TMEM132B: variants seen among roughly 807,000 people sequenced by gnomAD.
The protein encoded by TMEM132B is transmembrane protein 132B.
TMEM132B carries 18 observed loss-of-function variants against 90.8 expected under a neutral mutation model. The observed-to-expected ratio is 0.20, with a 90% CI of 0.14 to 0.29. The LOEUF (loss-of-function observed/expected upper bound fraction) is 0.29, where lower values mean the gene tolerates loss of function less well. Among genes scored for constraint, TMEM132B ranks in the 10% least tolerant of loss-of-function variants. The pLI, the probability that TMEM132B is intolerant of heterozygous loss-of-function variation, is 1.00. For missense variants in TMEM132B, 1,096 were observed against 1,326.8 expected (o/e 0.83, Z 2.70); for synonymous variants, 504 against 523.3 (o/e 0.96, Z 0.50).
chr12:125,289,407 A>G (rs907886958), intron 1 of TMEM132B, among the ~76,000 whole-genome samples: 1 of 152,078 alleles, frequency 6.6e-6, no homozygotes, highest in African/African-American at 2.4e-5. Context: ...CATCATCCCC[A>G]TTTTACAGGA....
rs2136330130 is a variant in TMEM132B, at chr12:125,406,352, G to A, written c.960-9179G>A. 6.6e-6 allele frequency among the ~76,000 whole-genome samples: 1 copy of A among 152,320 alleles called. No individual in the cohort carries two copies. Among genetic ancestry groups the A allele is most frequent in the East Asian group, 1.9e-4 (1 of 5,188 alleles). ...GGTTGCACGAGGCATCTGTGTATTA[G>A]CAGTGCAAGGCGGAGGACAGTGCCT... is the stretch of plus-strand genomic sequence containing the variant. On this transcript the variant is annotated intron_variant, in intron 2 of 8. Coordinates refer to ENST00000682704, the MANE Select transcript of TMEM132B (RefSeq NM_001366854.1). This position sits in a 1 kb window ranked among gnomAD's most constrained non-coding sequence, Gnocchi z 8.3.
chr12:125,638,064 G>A (rs866950151), intron 5 of TMEM132B, among the ~76,000 whole-genome samples: 2 of 152,064 alleles, frequency 1.3e-5, no homozygotes, highest in Non-Finnish European at 2.9e-5. Context: ...TTTCCCAATC[G>A]GCCTGTGGTC....
intron 3 of TMEM132B, among the ~76,000 whole-genome samples, chr12:125,423,043 G>A (rs1880213614): frequency 6.6e-6 from 1 of 152,182 alleles, no homozygotes; most frequent in Non-Finnish European, 1.5e-5. Flanking sequence ...ACAAAGTGCA[G>A]ACAGTCCTGG....
intron 2 of TMEM132B, among the ~76,000 whole-genome samples, chr12:125,399,226 C>T (rs937955936): frequency 6.6e-6 from 1 of 152,202 alleles, no homozygotes; most frequent in African/African-American, 2.4e-5. Context: ...TTCCTACCCA[C>T]ACTCAAGGGA....
intron 1 of TMEM132B, among the ~76,000 whole-genome samples, chr12:125,238,377 C>CAAA (rs1207886157): frequency 3.1e-5 from 4 of 129,536 alleles, no homozygotes; most frequent in Non-Finnish European, 3.3e-5. Flanking sequence ...AAAAAAAAAA[C>CAAA]AAAAAAAAAC....
Position 125,432,411 on chromosome 12 carries a change from A to ATGTATGTG in TMEM132B, c.1106+16735_1106+16736insGTATGTGT, listed in dbSNP as rs1248777251. On this transcript the variant is annotated intron_variant, in intron 3 of 8. Transcript: ENST00000682704. ...TATATATATATATGTATGTATGTGT[A>ATGTATGTG]TATATATATATGTATGTGTATATAT... 3.6e-5 allele frequency among the ~76,000 whole-genome samples: 2 copies of ATGTATGTG among 55,034 alleles called. 1 individual carries two copies. Among genetic ancestry groups the ATGTATGTG allele is most frequent in the African/African-American group, 2.1e-4 (2 of 9,614 alleles). The allele number at this position is 55,034 out of a possible 152,430, so 36.1% of individuals were successfully genotyped here.
intron 1 of TMEM132B, among the ~76,000 whole-genome samples, chr12:125,236,285 A>T (rs915691577): frequency 4.6e-5 from 7 of 151,898 alleles, no homozygotes; most frequent in Admixed American, 3.3e-4. Flanking sequence ...AGCTGGGATT[A>T]CAGGTGCATA....
At chr12:125,545,191 G>A (rs781751961) in intron 4 of TMEM132B, among the ~76,000 whole-genome samples, 1 of 152,152 alleles carries the variant, frequency 6.6e-6, no homozygotes, top group Non-Finnish European at 1.5e-5. Context: ...GCTCTCCAAG[G>A]TTAATGTTTG....
intron 1 of TMEM132B, among the ~76,000 whole-genome samples, chr12:125,245,595 C>T (rs567306064): frequency 1.3e-5 from 2 of 152,280 alleles, no homozygotes; most frequent in Non-Finnish European, 2.9e-5. Context: ...AGCTGCTCCC[C>T]GGCAGGAAAC....
intron 2 of TMEM132B, among the ~76,000 whole-genome samples, chr12:125,399,761 T>C (rs1026445493): frequency 1.3e-5 from 2 of 152,160 alleles, no homozygotes; most frequent in Admixed American, 1.3e-4. Flanking sequence ...TACTCTGTTA[T>C]ATTGGCTGTG....
chr12:125,562,876 T>G (rs1246602934), intron 4 of TMEM132B, among the ~76,000 whole-genome samples: 1 of 152,130 alleles, frequency 6.6e-6, no homozygotes, highest in Non-Finnish European at 1.5e-5. Context: ...TTGTTATAAA[T>G]TACCCAGTCT....
chr12:125,311,922 T>C (rs1393044518), intron 1 of TMEM132B, among the ~76,000 whole-genome samples: 1 of 152,184 alleles, frequency 6.6e-6, no homozygotes, highest in Non-Finnish European at 1.5e-5. Context: ...GAAGGATATT[T>C]GAGACTGAAG....
intron 1 of TMEM132B, among the ~76,000 whole-genome samples, chr12:125,293,418 C>T (rs1009756213): frequency 7.2e-6 from 1 of 138,158 alleles, no homozygotes; most frequent in Non-Finnish European, 1.7e-5. Flanking sequence ...AAGCATAATA[C>T]CCAGTAGGTA....
At chr12:125,648,659 A>C (rs189679310) in intron 6 of TMEM132B, among the ~76,000 whole-genome samples, 1 of 151,984 alleles carries the variant, frequency 6.6e-6, no homozygotes, top group East Asian at 1.9e-4. Flanking sequence ...ATTTTGTTTC[A>C]TTACTACAGG....
At chr12:125,390,620 C>T (rs1305001828) in intron 2 of TMEM132B, among the ~76,000 whole-genome samples, 3 of 152,174 alleles carry the variant, frequency 2.0e-5, no homozygotes, top group Non-Finnish European at 4.4e-5. Context: ...GCATCTTTCT[C>T]GTTGTTCTGT....
Position 125,635,976 on chromosome 12 carries a change from C to A in TMEM132B, c.1438-8100C>A, listed in dbSNP as rs556419870. Among the ~76,000 whole-genome samples the A allele has an allele frequency of 2.6e-5, 4 of 152,264 alleles. No individual in the cohort carries two copies. The South Asian group carries it at 8.3e-4, about 32-fold the overall frequency. On this transcript the variant is annotated intron_variant, in intron 5 of 8. Transcript: ENST00000682704. ...CCTCACAATTGCGGTGCTCTCCCTCCCCCAGTGCACTGAAATGCTCTCTGC... is the reference window on the plus strand; with the variant it reads ...CCTCACAATTGCGGTGCTCTCCCTCACCCAGTGCACTGAAATGCTCTCTGC...
rs181852837 is a variant in TMEM132B, at chr12:125,435,344, C to T, written c.1106+19667C>T. On this transcript the variant is annotated intron_variant, in intron 3 of 8. Transcript: ENST00000682704. Reference sequence around the variant, plus strand: ...CAGGAAGGGCCTAGAATTTCTGTCACGGGGACCATAATTAAAGAGAGACTG... The same window carrying T: ...CAGGAAGGGCCTAGAATTTCTGTCATGGGGACCATAATTAAAGAGAGACTG... Among the ~76,000 whole-genome samples the T allele has an allele frequency of 2.4e-3, 371 of 152,224 alleles. 3 individuals carry two copies. Among genetic ancestry groups the T allele is most frequent in the East Asian group, 0.01 (53 of 5,174 alleles).
intron 3 of TMEM132B, among the ~76,000 whole-genome samples, chr12:125,453,076 AACACACACACAC>A (rs60350192): frequency 2.7e-4 from 39 of 143,788 alleles, no homozygotes; most frequent in African/African-American, 5.7e-4. Context: ...ATTTCAGTAA[AACACACACACAC>A]ACACACACAC....
chr12:125,190,602 G>A (rs377616822), intron 1 of TMEM132B, among the ~76,000 whole-genome samples: 5 of 115,894 alleles, frequency 4.3e-5, no homozygotes, highest in African/African-American at 1.7e-4. Context: ...TGATGGGGAA[G>A]GGGTGGTGAT....
Sources: allele counts gnomAD v4.1 joint callset (sites outside exome capture counted in the v4.1 genomes callset), GRCh38; gene constraint gnomAD v4.1.1; non-coding constraint Gnocchi (gnomAD v3.1); transcripts MANE v1.5; gene names NCBI Gene and HGNC (gene_info 2026-07-23, HGNC 2026-07-21).